The following PCDH9 variants were observed in gnomAD, a reference collection of about 807,000 sequenced individuals.
PCDH9 encodes protocadherin 9.
PCDH9 carries 24 observed loss-of-function variants against 70.6 expected under a neutral mutation model. That is an observed-to-expected ratio of 0.34 (90% CI 0.25 to 0.48). PCDH9 has a LOEUF of 0.48. Ranked by LOEUF, PCDH9 falls within the 20% of genes least tolerant of loss-of-function variation. The probability of loss-of-function intolerance (pLI) is 0.99; values close to 1 mark genes in which losing one functional copy is unlikely to be tolerated. For missense variants in PCDH9, 1,281 were observed against 1,503.6 expected, an observed-to-expected ratio of 0.85 and a Z score of 2.45; for synonymous variants, 562 against 558.5, an observed-to-expected ratio of 1.01 and a Z score of -0.09.
rs151185240 is a variant in PCDH9 at position 66,843,519 on chromosome 13, T to C, written c.3138+59985A>G. 8.5e-5 allele frequency among the ~76,000 whole-genome samples: 13 copies of C among 152,324 alleles called. No individual in the cohort carries two copies. In the East Asian group the frequency reaches 2.5e-3, roughly 29 times the overall value. Reference sequence around the variant, plus strand: ...CACTTCATTTATTCTAGTAACAGTGTCCAAATTTGCTCCGGACAAACGTCT... The same window carrying C: ...CACTTCATTTATTCTAGTAACAGTGCCCAAATTTGCTCCGGACAAACGTCT... On this transcript the variant is annotated intron_variant, in intron 3 of 4. Coordinates refer to ENST00000377865, the MANE Select transcript of PCDH9 (RefSeq NM_203487.3).
At chr13:66,797,348 T>C (rs2080258887) in intron 3 of PCDH9, among the ~76,000 whole-genome samples, 1 of 152,146 alleles carries the variant, frequency 6.6e-6, no homozygotes, top group Non-Finnish European at 1.5e-5. Context: ...TTAAAAGTAA[T>C]TTATACCCCA....
Position 66,305,040 on chromosome 13 carries a change from A to AAGAG in PCDH9, c.3341-16_3341-13dup, listed in dbSNP as rs765954590. On this transcript the variant is annotated splice_polypyrimidine_tract_variant and intron_variant, in intron 4 of 4. Transcript: ENST00000377865. The stretch of plus-strand genomic sequence containing the variant: ...ACCCAAAGGCCCATCTGCAGAAGAC[A>AAGAG]AGAGAGAGAAAATAAGAAAAGGAAG... 2 of 1,568,772 alleles carry AAGAG rather than the reference A, an allele frequency of 1.3e-6. No individual in the cohort carries two copies. Among genetic ancestry groups the AAGAG allele is most frequent in the African/African-American group, 2.7e-5 (2 of 72,902 alleles).
chr13:66,392,770 T>C (rs1957041254), intron 4 of PCDH9, among the ~76,000 whole-genome samples: 1 of 152,172 alleles, frequency 6.6e-6, no homozygotes, highest in Admixed American at 6.6e-5. Context: ...AGGTAGCATC[T>C]TTATATTTCT....
intron 3 of PCDH9, among the ~76,000 whole-genome samples, chr13:66,738,125 C>A (rs906503332): frequency 9.2e-5 from 14 of 152,310 alleles, no homozygotes; most frequent in South Asian, 2.1e-4. Context: ...GTGGTTCTCC[C>A]AGCACGCAGC....
chr13:67,191,771 T>C (rs2088921175), intron 2 of PCDH9, among the ~76,000 whole-genome samples: 1 of 152,132 alleles, frequency 6.6e-6, no homozygotes, highest in African/African-American at 2.4e-5. Flanking sequence ...AAGAGCATTC[T>C]CTGTCTGTCT....
At chr13:66,701,258 C>A (rs1260413852) in intron 3 of PCDH9, among the ~76,000 whole-genome samples, 1 of 150,958 alleles carries the variant, frequency 6.6e-6, no homozygotes, top group Non-Finnish European at 1.5e-5. Flanking sequence ...GAACAACAAC[C>A]GTTTTTGTGT....
chr13:66,954,825 G>A (rs1594308266), intron 2 of PCDH9, among the ~76,000 whole-genome samples: 1 of 152,202 alleles, frequency 6.6e-6, no homozygotes, highest in African/African-American at 2.4e-5. Context: ...GTGCAGTGGC[G>A]TGATCTCAGC....
intron 4 of PCDH9, among the ~76,000 whole-genome samples, chr13:66,395,523 A>G (rs1260415077): frequency 3.3e-5 from 5 of 152,068 alleles, no homozygotes; most frequent in African/African-American, 1.2e-4. Flanking sequence ...TCGCTTGAAC[A>G]CGGGAGGCAG....
chr13:66,515,868 G>A (rs1323114259), intron 4 of PCDH9, among the ~76,000 whole-genome samples: 1 of 151,904 alleles, frequency 6.6e-6, no homozygotes, highest in Non-Finnish European at 1.5e-5. Flanking sequence ...TTAAGTATGT[G>A]AGCTACACAA....
intron 3 of PCDH9, among the ~76,000 whole-genome samples, chr13:66,835,715 C>A (rs963185437): frequency 6.6e-6 from 1 of 151,942 alleles, no homozygotes; most frequent in East Asian, 1.9e-4. Flanking sequence ...CATTTACAAC[C>A]AATGGACTTC....
At chr13:67,058,943 G>C (rs748432671) in intron 2 of PCDH9, among the ~76,000 whole-genome samples, 2 of 151,992 alleles carry the variant, frequency 1.3e-5, no homozygotes, top group Non-Finnish European at 2.9e-5. Context: ...GACTGCTTAA[G>C]GGGCATTTTA....
intron 3 of PCDH9, among the ~76,000 whole-genome samples, chr13:66,711,980 C>G (rs543889555): frequency 1.3e-5 from 2 of 152,266 alleles, no homozygotes; most frequent in African/African-American, 4.8e-5. Context: ...CCCTTTCCAG[C>G]TCATGAAGTT....
chr13:66,438,856 A>G (rs990302915), intron 4 of PCDH9, among the ~76,000 whole-genome samples: 5 of 152,328 alleles, frequency 3.3e-5, no homozygotes, highest in Middle Eastern at 3.4e-3. Flanking sequence ...TATAGCAGCA[A>G]GCCTGTCCTA....
intron 4 of PCDH9, among the ~76,000 whole-genome samples, chr13:66,421,834 A>C (rs1957573189): frequency 6.6e-6 from 1 of 152,212 alleles, no homozygotes; most frequent in Non-Finnish European, 1.5e-5. Context: ...TTAACAGGCT[A>C]AATGCCCCAA....
intron 2 of PCDH9, among the ~76,000 whole-genome samples, chr13:67,162,628 G>A (rs1051008348): frequency 6.6e-6 from 1 of 152,116 alleles, no homozygotes; most frequent in Admixed American, 6.6e-5. Context: ...AAAGAAAATT[G>A]GCCATACTTC....
At chr13:66,670,118 T>C (rs185851417) in intron 3 of PCDH9, among the ~76,000 whole-genome samples, 1 of 152,266 alleles carries the variant, frequency 6.6e-6, no homozygotes, top group East Asian at 1.9e-4. Flanking sequence ...TCACCACATC[T>C]GAAATTATGC....
intron 3 of PCDH9, among the ~76,000 whole-genome samples, chr13:66,779,943 G>T (rs1192852492): frequency 1.4e-5 from 2 of 147,640 alleles, no homozygotes; most frequent in Admixed American, 6.9e-5. Flanking sequence ...GGTTCCCAAG[G>T]GTGAGAAAAG....
intron 2 of PCDH9, among the ~76,000 whole-genome samples, chr13:67,028,252 G>A (rs1194412260): frequency 6.7e-6 from 1 of 148,580 alleles, no homozygotes; most frequent in Non-Finnish European, 1.5e-5. Context: ...AAAATGATGA[G>A]TTCATGTCCT....
chr13:67,179,933 G>A (rs1167930906), intron 2 of PCDH9, among the ~76,000 whole-genome samples: 1 of 152,080 alleles, frequency 6.6e-6, no homozygotes, highest in African/African-American at 2.4e-5. Flanking sequence ...ACTATAGTTG[G>A]CTAAGAAATG....
Sources: gnomAD v4.1 joint callset for allele counts (sites outside exome capture counted in the v4.1 genomes callset) on GRCh38, gnomAD v4.1.1 for gene constraint, MANE v1.5 for transcripts, NCBI Gene and HGNC (gene_info 2026-07-23, HGNC 2026-07-21) for gene names.